PRR16: variants seen among roughly 807,000 people sequenced by gnomAD.
PRR16 encodes the protein proline rich 16.
PRR16 carries 6 observed loss-of-function variants against 18.2 expected under a neutral mutation model. The observed-to-expected ratio is 0.33, with a 90% confidence interval of 0.18 to 0.65. The LOEUF is 0.65. PRR16 is among the 30% of genes least tolerant of loss of function. The pLI, the probability that PRR16 is intolerant of heterozygous loss-of-function variation, is 0.74. For missense variants in PRR16, 412 were observed against 376.6 expected, an observed-to-expected ratio of 1.09 and a Z score of -0.78; for synonymous variants, 151 against 147.8, an observed-to-expected ratio of 1.02 and a Z score of -0.16.
the PRR16 span, among the ~76,000 whole-genome samples, chr5:120,695,729 T>G: frequency 6.6e-6 from 1 of 152,120 alleles, no homozygotes; most frequent in Admixed American, 6.6e-5. Context: ...TCTCCCAATC[T>G]AGCGACCCCA....
chr5:120,488,029 G>A (rs1202960564), intron 1 of PRR16, among the ~76,000 whole-genome samples: 2 of 152,186 alleles, frequency 1.3e-5, no homozygotes, highest in East Asian at 3.8e-4. Context: ...GCTTTTTCAT[G>A]TGCTACTGTA....
the PRR16 span, among the ~76,000 whole-genome samples, chr5:120,783,321 C>T: frequency 1.3e-5 from 2 of 152,180 alleles, no homozygotes; most frequent in South Asian, 2.1e-4. Context: ...ATGAAGTGCA[C>T]CCATAAATGA....
chr5:120,610,474 T>C (rs1482224743), intron 1 of PRR16, among the ~76,000 whole-genome samples: 1 of 152,048 alleles, frequency 6.6e-6, no homozygotes. Flanking sequence ...TATCTCAACT[T>C]GAGTTACATG....
chr5:120,688,276 A>G (rs1182793455), downstream of PRR16, among the ~76,000 whole-genome samples: 1 of 152,222 alleles, frequency 6.6e-6, no homozygotes, highest in East Asian at 1.9e-4. Context: ...TCAAATGAGT[A>G]AAAAACAGAA....
At chr5:120,670,832 T>G (rs570677582) in intron 1 of PRR16, among the ~76,000 whole-genome samples, 1 of 152,278 alleles carries the variant, frequency 6.6e-6, no homozygotes, top group South Asian at 2.1e-4. Context: ...GCAAAAATAA[T>G]ATAATGTAAT....
At chr5:120,724,805 C>G in the PRR16 span, among the ~76,000 whole-genome samples, 1 of 151,880 alleles carries the variant, frequency 6.6e-6, no homozygotes. Context: ...ATTGTTTCAT[C>G]AAATACATAG....
intron 1 of PRR16, among the ~76,000 whole-genome samples, chr5:120,603,081 A>C (rs1018354117): frequency 6.6e-6 from 1 of 152,052 alleles, no homozygotes; most frequent in Admixed American, 6.6e-5. Flanking sequence ...GCTTCATAGA[A>C]TGAGGTGGGG....
At chr5:120,766,960 AT>A in the PRR16 span, among the ~76,000 whole-genome samples, 1 of 151,884 alleles carries the variant, frequency 6.6e-6, no homozygotes, top group African/African-American at 2.4e-5. Context: ...AATATTAGTG[AT>A]TTTTTATTTC....
At chr5:120,610,153 A>G (rs1754288049) in intron 1 of PRR16, among the ~76,000 whole-genome samples, 1 of 152,054 alleles carries the variant, frequency 6.6e-6, no homozygotes, top group Non-Finnish European at 1.5e-5. Context: ...TCTGTTTGCT[A>G]GTGCCAGTTG....
At chr5:120,598,430 T>G (rs1241697303) in intron 1 of PRR16, among the ~76,000 whole-genome samples, 2 of 151,898 alleles carry the variant, frequency 1.3e-5, no homozygotes, top group African/African-American at 4.8e-5. Flanking sequence ...TTTTTTTTCT[T>G]TTTCAACTTT....
chr5:120,667,952 T>C (rs1274912322), intron 1 of PRR16, among the ~76,000 whole-genome samples: 1 of 152,150 alleles, frequency 6.6e-6, no homozygotes, highest in African/African-American at 2.4e-5. Context: ...TGGAGAGTTC[T>C]GTAGATGTCT....
intron 1 of PRR16, among the ~76,000 whole-genome samples, chr5:120,583,461 A>G (rs1361811342): frequency 1.3e-5 from 2 of 152,088 alleles, no homozygotes; most frequent in Non-Finnish European, 2.9e-5. Flanking sequence ...AAGGTAATTA[A>G]TTAAACTTGG....
At chr5:120,729,740 A>C in the PRR16 span, among the ~76,000 whole-genome samples, 1 of 152,170 alleles carries the variant, frequency 6.6e-6, no homozygotes, top group South Asian at 2.1e-4. Context: ...AAAGTTCCTC[A>C]CAAAGTGAAA....
intron 1 of PRR16, among the ~76,000 whole-genome samples, chr5:120,655,618 A>G (rs74891465): frequency 0.058 from 8,792 of 151,890 alleles, 307 homozygotes; most frequent in South Asian, 0.083. Context: ...ACTCACGGAT[A>G]TGGTCTGTGG....
chr5:120,608,237 A>G (rs1208152506), intron 1 of PRR16, among the ~76,000 whole-genome samples: 1 of 152,196 alleles, frequency 6.6e-6, no homozygotes. Context: ...CCTTCCCTGC[A>G]TAATATCCAT....
chr5:120,775,620 T>C, the PRR16 span, among the ~76,000 whole-genome samples: 1 of 151,330 alleles, frequency 6.6e-6, no homozygotes, highest in South Asian at 2.1e-4. Flanking sequence ...TCCTTTTCTC[T>C]TTTTCTTTCT....
Position 120,639,048 on chromosome 5 carries a change from A to G in PRR16, c.160-46906A>G, listed in dbSNP as rs375707457. On this transcript the variant is annotated intron_variant, in intron 1 of 1. Coordinates refer to ENST00000407149, the MANE Select transcript of PRR16 (RefSeq NM_001300783.2). ...ACAATATATTTTATTTCAAACGAGT[A>G]TGTAGTGACTTAATATAGAATCTAT... is the stretch of plus-strand genomic sequence containing the variant. Among the ~76,000 whole-genome samples, 198 of 152,158 alleles carry G rather than the reference A, an allele frequency of 1.3e-3. 6 individuals are homozygous for G. In the South Asian group the frequency reaches 0.039, roughly 30 times the overall value.
chr5:120,657,370 G>A (rs186863756), intron 1 of PRR16, among the ~76,000 whole-genome samples: 535 of 152,004 alleles, frequency 3.5e-3, no homozygotes, highest in Middle Eastern at 6.8e-3. Context: ...CTCATAGGGG[G>A]CTTGTGAAAG....
intron 1 of PRR16, among the ~76,000 whole-genome samples, chr5:120,549,092 T>C (rs901556636): frequency 3.3e-5 from 5 of 151,956 alleles, no homozygotes; most frequent in African/African-American, 4.8e-5. Flanking sequence ...TTGCCTAAAC[T>C]TGCATGTTTC....
Sources: allele counts gnomAD v4.1 joint callset (sites outside exome capture counted in the v4.1 genomes callset), GRCh38; gene constraint gnomAD v4.1.1; transcripts MANE v1.5; gene names NCBI Gene and HGNC (gene_info 2026-07-23, HGNC 2026-07-21).